Variants in ATR observed in about 807,000 individuals in gnomAD.
ATR encodes ATR checkpoint kinase, also known as serine/threonine-protein kinase ATR.
A neutral mutation model predicts 305.3 loss-of-function variants in ATR; 142 were observed. The observed-to-expected ratio is 0.47, with a 90% confidence interval of 0.41 to 0.53. The LOEUF is 0.53. ATR is among the 20% of genes least tolerant of loss of function. The pLI is 0.00. For missense variants in ATR, 2,135 were observed against 3,133.1 expected, an observed-to-expected ratio of 0.68 and a Z score of 7.60; for synonymous variants, 1,050 against 1,068.1, an observed-to-expected ratio of 0.98 and a Z score of 0.33.
intron 21 of ATR, 99 bp from the exon 22 acceptor site, chr3:142,524,298 A>G: frequency 2.6e-6 from 3 of 1,158,730 alleles, no homozygotes; most frequent in Non-Finnish European, 3.7e-6. Context: ...TATCTAACAT[A>G]AATATTGACA....
intron 16 of ATR, among the ~76,000 whole-genome samples, chr3:142,545,748 G>C (rs1241332594): frequency 6.6e-6 from 1 of 152,096 alleles, no homozygotes; most frequent in Non-Finnish European, 1.5e-5. Context: ...ATATATTTTG[G>C]AGAGACTTGA....
At chr3:142,483,009 T>TC (rs1491311276) in intron 36 of ATR, among the ~76,000 whole-genome samples, 1 of 147,378 alleles carries the variant, frequency 6.8e-6, no homozygotes, top group Non-Finnish European at 1.5e-5. Flanking sequence ...TTTCTTTCTT[T>TC]CTTTTTTTTT....
chr3:142,553,505 T>G, intron 12 of ATR, 107 bp from the exon 13 acceptor site: 1 of 1,458,882 alleles, frequency 6.9e-7, no homozygotes, highest in Non-Finnish European at 9.5e-7. Flanking sequence ...AACGGAAATC[T>G]ACAAATAAAT....
chr3:142,456,280 A>G (rs1559904372), intron 45 of ATR, among the ~76,000 whole-genome samples: 1 of 151,324 alleles, frequency 6.6e-6, no homozygotes, highest in African/African-American at 2.4e-5. Flanking sequence ...TTGCAACTCA[A>G]GAATAGGCCA....
At position 142,566,223 on chromosome 3, in the gene ATR, T is replaced by G. The variant is rs35306038; in HGVS notation, c.190A>C (p.Thr64Pro). Residue 64 changes from threonine to proline, a missense_variant, in exon 3 of 47, where the codon ACC becomes CCC. Physicochemically the swap from Thr to Pro is conservative, Grantham distance 38 (BLOSUM62 -1). Transcript: ENST00000350721. ...ATGAAATCAAGCAACATCACGGAGG[T>G]TGGCTGAGAGTCAGTTTTCTTTACA... The part of the protein sequence containing the change: ...ELVKKTDSQP[T>P]SVMLLDFIQH... 6.2e-7 allele frequency: 1 copy of G among 1,613,992 alleles called. No homozygotes were observed. The highest frequency in any genetic ancestry group is 8.5e-7 in the Non-Finnish European group (1 of 1,179,902).
At chr3:142,464,575 T>C (rs966744148) in intron 41 of ATR, among the ~76,000 whole-genome samples, 1 of 152,228 alleles carries the variant, frequency 6.6e-6, no homozygotes, top group East Asian at 1.9e-4. Flanking sequence ...TAACACATGC[T>C]GTAAAATGAA....
intron 41 of ATR, among the ~76,000 whole-genome samples, chr3:142,463,642 C>T (rs184340203): frequency 8.5e-5 from 13 of 152,274 alleles, no homozygotes; most frequent in Non-Finnish European, 2.9e-5. Flanking sequence ...AGTGATCTGC[C>T]CGCCTCAGCT....
At chr3:142,572,767 C>A (rs2035317040) in intron 1 of ATR, among the ~76,000 whole-genome samples, 1 of 151,566 alleles carries the variant, frequency 6.6e-6, no homozygotes, top group African/African-American at 2.4e-5. Flanking sequence ...AGACCCCTGT[C>A]TCCAAAAAAT....
At chr3:142,512,216 T>C (rs1577603216) in intron 27 of ATR, 44 bp downstream of exon 27, 1 of 1,280,080 alleles carries the variant, frequency 7.8e-7, no homozygotes, top group Non-Finnish European at 1.1e-6. Flanking sequence ...AATTGGTGAA[T>C]AGCTAAAAAA....
At chr3:142,475,086 T>A (rs1156291392) in intron 36 of ATR, among the ~76,000 whole-genome samples, 2 of 152,096 alleles carry the variant, frequency 1.3e-5, no homozygotes, top group Non-Finnish European at 2.9e-5. Flanking sequence ...TATATACATG[T>A]TATGTTTTAT....
chr3:142,559,054 G>C (rs2034784366), intron 7 of ATR, 197 bp downstream of exon 7: 1 of 657,136 alleles, frequency 1.5e-6, no homozygotes, highest in Non-Finnish European at 2.5e-6. Context: ...AATTTCTATT[G>C]ACTAAAGAAT....
At chr3:142,563,356 C>T (rs1274261608) in intron 3 of ATR, among the ~76,000 whole-genome samples, 2 of 152,164 alleles carry the variant, frequency 1.3e-5, no homozygotes, top group Non-Finnish European at 2.9e-5. Flanking sequence ...TGTATCAGTG[C>T]CATTTTTCCA....
At chr3:142,464,682 A>C (rs2071088707) in intron 41 of ATR, among the ~76,000 whole-genome samples, 1 of 152,190 alleles carries the variant, frequency 6.6e-6, no homozygotes, top group South Asian at 2.1e-4. Context: ...AATGGAGACA[A>C]AGTAAATGGT....
chr3:142,472,691 G>A (rs2071317165), intron 36 of ATR, among the ~76,000 whole-genome samples: 1 of 152,122 alleles, frequency 6.6e-6, no homozygotes, highest in Non-Finnish European at 1.5e-5. Flanking sequence ...GGGCTGGAGT[G>A]CAGTGATATG....
intron 36 of ATR, chr3:142,472,252 C>A (rs1422397588): frequency 1.3e-5 from 2 of 152,106 alleles, no homozygotes. Flanking sequence ...ATCTCTTCAA[C>A]ATATTGATTT....
intron 21 of ATR, among the ~76,000 whole-genome samples, chr3:142,526,667 A>G (rs1312777663): frequency 2.0e-5 from 3 of 152,156 alleles, no homozygotes; most frequent in Non-Finnish European, 4.4e-5. Flanking sequence ...TATGGAAATA[A>G]TAGCATGATT....
chr3:142,515,268 T>G, intron 25 of ATR, 127 bp downstream of exon 25: 1 of 1,308,536 alleles, frequency 7.6e-7, no homozygotes, highest in East Asian at 2.4e-5. Context: ...TAACATTTTC[T>G]TCAAAAATTT....
chr3:142,556,021 A>G lies in ATR; in HGVS notation c.2197T>C (p.Ser733Pro). ...AAGAGGTCCACATGTCCGTGTTCAGAGAAAGGTTCTGTTAAAGAACTTGTC... is the reference window on the plus strand; with the variant it reads ...AAGAGGTCCACATGTCCGTGTTCAGGGAAAGGTTCTGTTAAAGAACTTGTC... ...YLTSSLTEPF[S>P]EHGHVDLFCR... The change falls in exon 10 of 47, where the codon TCT becomes CCT. Residue 733 changes from serine (S) to proline (P), a missense_variant. This residue lies in a region of ATR where 744 missense variants were observed against 873.2 expected (regional missense o/e 0.85). Coordinates refer to ENST00000350721, the MANE Select transcript of ATR (RefSeq NM_001184.4). 6.2e-7 allele frequency: 1 copy of G among 1,614,162 alleles called. No homozygotes were observed. Among genetic ancestry groups the G allele is most frequent in the Non-Finnish European group, 8.5e-7 (1 of 1,180,006 alleles).
At chr3:142,482,915 G>GC (rs2030619568) in intron 36 of ATR, among the ~76,000 whole-genome samples, 1 of 148,948 alleles carries the variant, frequency 6.7e-6, no homozygotes, top group South Asian at 2.1e-4. Context: ...AACAAATATT[G>GC]CTTTTTTTTT....
Sources: gnomAD v4.1 joint callset for allele counts (sites outside exome capture counted in the v4.1 genomes callset) on GRCh38, gnomAD v4.1.1 for gene constraint, gnomAD v4.1.1 regional missense constraint, MANE v1.5 for transcripts, NCBI Gene and HGNC (gene_info 2026-07-23, HGNC 2026-07-21) for gene names.